The following MAD1L1 variants were observed in gnomAD, a reference collection of about 807,000 sequenced individuals.
MAD1L1 encodes mitotic arrest deficient 1 like 1.
A neutral mutation model predicts 96.9 loss-of-function variants in MAD1L1; 95 were observed. That is an observed-to-expected ratio of 0.98 (90% CI 0.83 to 1.16). MAD1L1 has a LOEUF of 1.16. MAD1L1 is among the 50% of genes most tolerant of loss of function. MAD1L1 has a pLI of 0.00. For missense variants in MAD1L1, 1,007 were observed against 954.4 expected, an observed-to-expected ratio of 1.06 and a Z score of -0.73; for synonymous variants, 473 against 396.6, an observed-to-expected ratio of 1.19 and a Z score of -2.29.
chr7:2,222,277 A>G (rs1007885423), intron 5 of MAD1L1, among the ~76,000 whole-genome samples: 3 of 152,092 alleles, frequency 2.0e-5, no homozygotes, highest in African/African-American at 4.8e-5. Flanking sequence ...ATGGGGTTTC[A>G]CCATGTTGGT....
chr7:1,984,563 G>A (rs1041471743), intron 14 of MAD1L1, among the ~76,000 whole-genome samples: 1 of 152,200 alleles, frequency 6.6e-6, no homozygotes, highest in African/African-American at 2.4e-5. Flanking sequence ...CAGCGGTGAT[G>A]TGTTATTTGG....
chr7:1,927,476 C>G (rs759555538), intron 17 of MAD1L1, among the ~76,000 whole-genome samples: 54 of 152,094 alleles, frequency 3.6e-4, no homozygotes, highest in Non-Finnish European at 6.8e-4. Flanking sequence ...TTATTAACAG[C>G]AAAGGAACAG....
At chr7:2,015,088 G>A (rs1188170381) in intron 12 of MAD1L1, among the ~76,000 whole-genome samples, 1 of 152,238 alleles carries the variant, frequency 6.6e-6, no homozygotes, top group Non-Finnish European at 1.5e-5. Context: ...ACTGGGCCCA[G>A]GGAAACGACA....
chr7:2,152,562 C>G (rs1789633035), intron 10 of MAD1L1, among the ~76,000 whole-genome samples: 1 of 152,206 alleles, frequency 6.6e-6, no homozygotes, highest in Non-Finnish European at 1.5e-5. Flanking sequence ...CACACGGGAC[C>G]AGTCTACTCT....
intron 11 of MAD1L1, among the ~76,000 whole-genome samples, chr7:2,147,795 C>A (rs1175206760): frequency 6.6e-6 from 1 of 152,262 alleles, no homozygotes; most frequent in Admixed American, 6.5e-5. Flanking sequence ...TCTCTGACCA[C>A]AGCGAAGGCA....
chr7:2,214,896 T>C (rs1429498838), intron 9 of MAD1L1, among the ~76,000 whole-genome samples: 2 of 152,166 alleles, frequency 1.3e-5, no homozygotes, highest in Non-Finnish European at 2.9e-5. Flanking sequence ...ACCAGTTTCC[T>C]GCTGCAACCG....
At chr7:1,877,032 A>C (rs1275931201) in intron 18 of MAD1L1, among the ~76,000 whole-genome samples, 1 of 149,234 alleles carries the variant, frequency 6.7e-6, no homozygotes, top group Non-Finnish European at 1.5e-5. Context: ...TTTAATTTAG[A>C]AGATAATGTA....
At chr7:2,129,318 A>G (rs549536434) in intron 11 of MAD1L1, among the ~76,000 whole-genome samples, 46 of 152,356 alleles carry the variant, frequency 3.0e-4, no homozygotes, top group African/African-American at 9.9e-4. Flanking sequence ...TTGCCTGTGG[A>G]CATCTGAATG....
At chr7:1,939,439 G>A (rs376177725) in intron 16 of MAD1L1, among the ~76,000 whole-genome samples, 15 of 152,336 alleles carry the variant, frequency 9.8e-5, no homozygotes, top group African/African-American at 3.4e-4. Flanking sequence ...GAGCTGTGGG[G>A]CAGTGAGACT....
chr7:2,063,801 C>T (rs1784764629), intron 12 of MAD1L1, among the ~76,000 whole-genome samples: 1 of 152,220 alleles, frequency 6.6e-6, no homozygotes, highest in African/African-American at 2.4e-5. Flanking sequence ...CTTCATGATC[C>T]ACGGGCCACT....
chr7:2,177,142 C>A (rs1180630655), intron 10 of MAD1L1, among the ~76,000 whole-genome samples: 1 of 152,236 alleles, frequency 6.6e-6, no homozygotes, highest in Admixed American at 6.5e-5. Flanking sequence ...ATAGTCTGGT[C>A]AAGTTTTTCT....
intron 15 of MAD1L1, among the ~76,000 whole-genome samples, chr7:1,977,343 C>T (rs1159534344): frequency 6.6e-6 from 1 of 152,266 alleles, no homozygotes; most frequent in Non-Finnish European, 1.5e-5. Context: ...GCACCCTCCG[C>T]AGCTGCTGGC....
intron 11 of MAD1L1, among the ~76,000 whole-genome samples, chr7:2,122,819 C>A (rs562911833): frequency 3.3e-5 from 5 of 152,238 alleles, no homozygotes; most frequent in African/African-American, 1.2e-4. Context: ...GAAGTCAAGG[C>A]GCAGGATCTG....
chr7:2,106,063 A>C (rs1375788982), intron 11 of MAD1L1, among the ~76,000 whole-genome samples: 3 of 22,804 alleles, frequency 1.3e-4, no homozygotes, highest in Admixed American at 1.5e-3. Flanking sequence ...CCCACCCCCC[A>C]GACCTATCTA....
chr7:2,203,850 G>A (rs1052703820), intron 10 of MAD1L1, among the ~76,000 whole-genome samples: 14 of 152,260 alleles, frequency 9.2e-5, no homozygotes, highest in East Asian at 3.9e-4. Flanking sequence ...AGCACAGCAC[G>A]CCCTGCTGCC....
intron 11 of MAD1L1, chr7:2,079,734 G>A (rs1013888398): frequency 2.1e-6 from 1 of 471,010 alleles, no homozygotes; most frequent in Non-Finnish European, 4.4e-6. Context: ...CAAATGCTGG[G>A]TGGGGAGCCC....
chr7:1,902,797 A>C (rs1449275573), intron 17 of MAD1L1, among the ~76,000 whole-genome samples: 1 of 152,218 alleles, frequency 6.6e-6, no homozygotes, highest in Non-Finnish European at 1.5e-5. Context: ...TGCGGAACTC[A>C]TGATTGATGA....
At chr7:1,967,475 G>A (rs1105639) in intron 15 of MAD1L1, among the ~76,000 whole-genome samples, 130,953 of 152,198 alleles carry the variant, frequency 0.86, 57,655 homozygotes, top group Non-Finnish European at 0.96. Flanking sequence ...GTACAGGTAC[G>A]CTGCAAGTAA....
At chr7:1,905,662 T>C (rs565451035) in intron 17 of MAD1L1, among the ~76,000 whole-genome samples, 35 of 152,258 alleles carry the variant, frequency 2.3e-4, no homozygotes, top group South Asian at 6.2e-4. Context: ...GTGCTTGGAA[T>C]AGCTCTGTGG....
Sources: allele counts gnomAD v4.1 joint callset (sites outside exome capture counted in the v4.1 genomes callset), GRCh38; gene constraint gnomAD v4.1.1; transcripts MANE v1.5; gene names NCBI Gene and HGNC (gene_info 2026-07-23, HGNC 2026-07-21).